The following COL6A5 variants were observed in gnomAD, a reference collection of about 807,000 sequenced individuals.
The protein encoded by COL6A5 is collagen type VI alpha 5 chain, also known as collagen alpha-5(VI) chain.
COL6A5 carries 48 observed loss-of-function variants against 65.6 expected under a neutral mutation model. The ratio of observed to expected loss-of-function variants is 0.73; its 90% CI spans 0.58 to 0.93. The LOEUF (loss-of-function observed/expected upper bound fraction) is 0.93. COL6A5 is among the 40% of genes least tolerant of loss of function. The pLI is 0.00. For missense variants in COL6A5, 914 were observed against 928.3 expected, an observed-to-expected ratio of 0.98 and a Z score of 0.20; for synonymous variants, 291 against 322.8, an observed-to-expected ratio of 0.90 and a Z score of 1.05.
At chr3:130,427,016 T>C (rs1937618549), upstream of COL6A5, among the ~76,000 whole-genome samples, 1 of 152,222 alleles carries the variant, frequency 6.6e-6, no homozygotes, top group African/African-American at 2.4e-5. Flanking sequence ...TGGAATATTA[T>C]TTGCTAAAGC....
chr3:130,446,359 A>T (rs1214612586), intron 4 of COL6A5, among the ~76,000 whole-genome samples: 1 of 152,184 alleles, frequency 6.6e-6, no homozygotes, highest in Non-Finnish European at 1.5e-5. Context: ...GTGTGAGAGG[A>T]AACTGGTGAG....
intron 1 of COL6A5, among the ~76,000 whole-genome samples, chr3:130,350,111 C>T (rs1162196951): frequency 6.6e-6 from 1 of 152,156 alleles, no homozygotes; most frequent in Admixed American, 6.5e-5. Flanking sequence ...GATGTATTTT[C>T]ATAGCTGAGT....
At chr3:130,437,711 G>C (rs910074096) in intron 1 of COL6A5, among the ~76,000 whole-genome samples, 2 of 151,900 alleles carry the variant, frequency 1.3e-5, no homozygotes, top group African/African-American at 4.8e-5. Context: ...CCTCACACAA[G>C]CTAGGCATTC....
exon 6 of COL6A5, chr3:130,388,645 A>T (rs775366042): frequency 6.4e-7 from 1 of 1,551,150 alleles, no homozygotes; most frequent in South Asian, 1.2e-5. Flanking sequence ...AGGAAATGAA[A>T]ATTTTAGGAA....
chr3:130,423,910 T>C lies in COL6A5; in HGVS notation c.5163+10T>C, dbSNP rs1453587378. The C allele has an allele frequency of 1.5e-5, 23 of 1,543,014 alleles. No homozygotes were observed. The highest frequency in any genetic ancestry group is 2.0e-5 in the Non-Finnish European group (23 of 1,139,888). Reference sequence around the variant, plus strand: ...CCCTCCTGGACAGAGAGTAAGTGTATCCATAAGAACTAAATAGGATATAGT... The same window carrying C: ...CCCTCCTGGACAGAGAGTAAGTGTACCCATAAGAACTAAATAGGATATAGT... On this transcript the variant is annotated intron_variant and NMD_transcript_variant, in intron 29 of 41. Coordinates refer to the COL6A5 transcript ENST00000312481.
At chr3:130,428,621 A>G (rs953468855), upstream of COL6A5, among the ~76,000 whole-genome samples, 1 of 152,206 alleles carries the variant, frequency 6.6e-6, no homozygotes, top group Non-Finnish European at 1.5e-5. Flanking sequence ...TTCTGCTTCT[A>G]CGACCTGTGC....
rs1937560155 is a variant in COL6A5 at position 130,423,965 on chromosome 3, C to A, written c.5163+65C>A. 6 of 1,277,506 alleles carry A rather than the reference C, an allele frequency of 4.7e-6. No homozygotes were observed. In the African/African-American group the frequency reaches 8.9e-5, roughly 19 times the overall value. The allele number at this position is 1,277,506 out of a possible 1,614,324, so 79.1% of individuals were successfully genotyped here. ...TCCAGTATGTTCCATGGAAAGGGCA[C>A]AGAATTTAAAGTCAAATGCACTGGA... is the stretch of plus-strand genomic sequence containing the variant. On this transcript the variant is annotated intron_variant and NMD_transcript_variant, in intron 29 of 41. Transcript: ENST00000312481.
chr3:130,470,687 C>CTT (rs1709928484), intron 6 of COL6A5, among the ~76,000 whole-genome samples, 184 bp from the exon 39 acceptor site: 1 of 151,948 alleles, frequency 6.6e-6, no homozygotes. Context: ...CAATGACTGG[C>CTT]TGTATCTTCT....
intron 1 of COL6A5, among the ~76,000 whole-genome samples, chr3:130,433,003 C>T (rs1223122183): frequency 6.6e-6 from 1 of 152,010 alleles, no homozygotes; most frequent in Non-Finnish European, 1.5e-5. Flanking sequence ...TCATGTCCTT[C>T]AAGAGATTAT....
At chr3:130,386,443 G>A (rs1436043326) in intron 5 of COL6A5, among the ~76,000 whole-genome samples, 1 of 152,034 alleles carries the variant, frequency 6.6e-6, no homozygotes, top group Non-Finnish European at 1.5e-5. Flanking sequence ...CTGAAAACGT[G>A]TTTGAATTTT....
intron 24 of COL6A5, among the ~76,000 whole-genome samples, chr3:130,418,634 C>T (rs528804390): frequency 6.6e-6 from 1 of 152,200 alleles, no homozygotes; most frequent in East Asian, 1.9e-4. Flanking sequence ...TTTGTCTTCT[C>T]CTTCAGTACT....
chr3:130,428,855 G>A (rs114576808), upstream of COL6A5, among the ~76,000 whole-genome samples: 1 of 152,112 alleles, frequency 6.6e-6, no homozygotes, highest in Non-Finnish European at 1.5e-5. Flanking sequence ...AGGCTGGTGC[G>A]TTGCCAGTAT....
chr3:130,396,925 C>T (rs1407990648), intron 8 of COL6A5, among the ~76,000 whole-genome samples: 5 of 152,278 alleles, frequency 3.3e-5, no homozygotes, highest in East Asian at 1.9e-4. Flanking sequence ...TGCAGTGGCA[C>T]GATCTCGGCT....
intron 4 of COL6A5, among the ~76,000 whole-genome samples, chr3:130,449,965 G>C (rs1353549359): frequency 2.6e-5 from 4 of 152,104 alleles, no homozygotes; most frequent in African/African-American, 9.7e-5. Flanking sequence ...CCCCCGTGGG[G>C]ACAATCAAAG....
intron 1 of COL6A5, among the ~76,000 whole-genome samples, chr3:130,365,918 C>T (rs974782759): frequency 2.0e-5 from 3 of 152,150 alleles, no homozygotes; most frequent in Non-Finnish European, 4.4e-5. Flanking sequence ...ATCACCAGCC[C>T]ACAGCCTGTT....
intron 5 of COL6A5, among the ~76,000 whole-genome samples, chr3:130,464,602 A>T (rs2107609748): frequency 6.6e-6 from 1 of 152,208 alleles, no homozygotes. Flanking sequence ...CATTTAATTA[A>T]TCTTCACAAT....
intron 7 of COL6A5, among the ~76,000 whole-genome samples, chr3:130,471,387 G>T (rs1709949490): frequency 6.6e-6 from 1 of 152,028 alleles, no homozygotes; most frequent in Admixed American, 6.6e-5. Context: ...TATGAAGATT[G>T]GCAGGAAGGA....
intron 7 of COL6A5, 119 bp downstream of exon 7, chr3:130,391,873 A>G: frequency 1.3e-6 from 1 of 792,350 alleles, no homozygotes; most frequent in South Asian, 1.9e-5. Flanking sequence ...TTCTCTGCTC[A>G]GGCTATCAGT....
At chr3:130,423,976 G>C in intron 29 of COL6A5, 76 bp downstream of exon 29, 2 of 1,131,582 alleles carry the variant, frequency 1.8e-6, no homozygotes, top group African/African-American at 3.1e-5. Context: ...AGAATTTAAA[G>C]TCAAATGCAC....
Sources: gnomAD v4.1 joint callset for allele counts (sites outside exome capture counted in the v4.1 genomes callset) on GRCh38, gnomAD v4.1.1 for gene constraint, MANE v1.5 for transcripts, NCBI Gene and HGNC (gene_info 2026-07-23, HGNC 2026-07-21) for gene names.